Variants in ARHGAP15 observed in about 807,000 individuals in gnomAD.
ARHGAP15 encodes rho GTPase-activating protein 15.
Under a neutral mutation model 63.7 loss-of-function variants are expected in ARHGAP15, and 51 were observed. The ratio of observed to expected loss-of-function variants is 0.80; its 90% CI spans 0.64 to 1.01. The LOEUF (loss-of-function observed/expected upper bound fraction) is 1.01. ARHGAP15 is among the 50% of genes least tolerant of loss of function. The probability of loss-of-function intolerance (pLI) is 0.00; values close to 1 mark genes in which losing one functional copy is unlikely to be tolerated. For missense variants in ARHGAP15, 560 were observed against 564.6 expected (o/e 0.99, Z 0.08); for synonymous variants, 191 against 193.8 (o/e 0.99, Z 0.12).
chr2:143,568,834 T>TA (rs1170900604), intron 11 of ARHGAP15, among the ~76,000 whole-genome samples: 2 of 152,060 alleles, frequency 1.3e-5, no homozygotes, highest in Non-Finnish European at 2.9e-5. Context: ...TATGCAGCCA[T>TA]AAAAAAGGAT....
intron 6 of ARHGAP15, among the ~76,000 whole-genome samples, chr2:143,351,849 G>A (rs529500927): frequency 1.2e-3 from 180 of 152,140 alleles, no homozygotes; most frequent in Middle Eastern, 3.4e-3. Context: ...TTCTCTCTTT[G>A]ATAAAAGAGA....
chr2:143,317,392 T>C (rs1362738269), intron 6 of ARHGAP15, among the ~76,000 whole-genome samples: 1 of 152,222 alleles, frequency 6.6e-6, no homozygotes, highest in Non-Finnish European at 1.5e-5. Flanking sequence ...ATATATGCTT[T>C]TGAGAAATAA....
At chr2:143,383,811 G>C (rs930160992) in intron 6 of ARHGAP15, among the ~76,000 whole-genome samples, 1 of 152,100 alleles carries the variant, frequency 6.6e-6, no homozygotes, top group Non-Finnish European at 1.5e-5. Flanking sequence ...GACCATAAAA[G>C]GTGTTACGCA....
intron 8 of ARHGAP15, chr2:143,437,393 T>G (rs1430847742): frequency 1.8e-5 from 4 of 219,592 alleles, no homozygotes; most frequent in African/African-American, 9.5e-5. Flanking sequence ...TTGCATACAT[T>G]AAAGGGTATG....
At chr2:143,662,038 C>T (rs1460944657) in intron 12 of ARHGAP15, among the ~76,000 whole-genome samples, 1 of 152,216 alleles carries the variant, frequency 6.6e-6, no homozygotes, top group Non-Finnish European at 1.5e-5. Flanking sequence ...AACATAGCAG[C>T]CGGGAAGCTC....
chr2:143,756,932 G>T (rs1324526051), intron 13 of ARHGAP15, among the ~76,000 whole-genome samples: 3 of 152,116 alleles, frequency 2.0e-5, no homozygotes, highest in Admixed American at 1.3e-4. Flanking sequence ...CCATTAAGAA[G>T]TCTCTTGATG....
chr2:143,506,719 G>A (rs959253994), intron 9 of ARHGAP15, among the ~76,000 whole-genome samples: 10 of 152,168 alleles, frequency 6.6e-5, no homozygotes, highest in African/African-American at 2.2e-4. Flanking sequence ...TGAAATACAT[G>A]AAAGCAAACA....
At chr2:143,556,939 T>C (rs966373307) in intron 11 of ARHGAP15, among the ~76,000 whole-genome samples, 6 of 151,932 alleles carry the variant, frequency 3.9e-5, no homozygotes, top group Admixed American at 2.6e-4. Flanking sequence ...GAGTTGTAAA[T>C]TAAAACAATG....
At chr2:143,176,270 A>G (rs1691005831) in intron 2 of ARHGAP15, among the ~76,000 whole-genome samples, 2 of 152,208 alleles carry the variant, frequency 1.3e-5, no homozygotes, top group African/African-American at 4.8e-5. Context: ...TTATTCACCT[A>G]TATCAATGAA....
chr2:143,732,078 G>A (rs1310391696), intron 13 of ARHGAP15, among the ~76,000 whole-genome samples: 1 of 152,200 alleles, frequency 6.6e-6, no homozygotes, highest in Non-Finnish European at 1.5e-5. Context: ...ATGAATGAAT[G>A]AATGATTTGG....
intron 13 of ARHGAP15, among the ~76,000 whole-genome samples, chr2:143,738,781 C>A (rs533303136): frequency 6.6e-6 from 1 of 152,258 alleles, no homozygotes; most frequent in East Asian, 1.9e-4. Flanking sequence ...CATTCACCAG[C>A]AATTACACAG....
At chr2:143,370,066 G>C (rs1686475753) in intron 6 of ARHGAP15, among the ~76,000 whole-genome samples, 1 of 152,112 alleles carries the variant, frequency 6.6e-6, no homozygotes, top group South Asian at 2.1e-4. Flanking sequence ...TCTTAAAACA[G>C]TTCTTCTTTG....
intron 12 of ARHGAP15, among the ~76,000 whole-genome samples, chr2:143,673,780 A>ATATATATATATATATG (rs1682685351): frequency 8.3e-6 from 1 of 120,654 alleles, no homozygotes; most frequent in Non-Finnish European, 1.8e-5. Flanking sequence ...ATATATATAT[A>ATATATATATATATATG]TATAAACAAC....
rs1681438895 is a variant in ARHGAP15 at position 143,656,459 on chromosome 2, C to T, written c.1138+32192C>T. ...AAGAGGTACCCTTCCTTATATCCCA[C>T]TCCACTGGAACCAATTTGATTGTGT... On this transcript the variant is annotated intron_variant, in intron 12 of 13. Coordinates refer to ENST00000295095, the MANE Select transcript of ARHGAP15 (RefSeq NM_018460.4). Among the ~76,000 whole-genome samples, 4 of 152,356 alleles carry T rather than the reference C, an allele frequency of 2.6e-5. No homozygotes were observed. In the South Asian group the frequency reaches 8.3e-4, roughly 32 times the overall value.
intron 6 of ARHGAP15, among the ~76,000 whole-genome samples, chr2:143,364,397 G>C (rs931479801): frequency 1.3e-5 from 2 of 152,138 alleles, no homozygotes; most frequent in African/African-American, 2.4e-5. Flanking sequence ...TTAGGAGTGG[G>C]AGTGAGAAGT....
chr2:143,455,741 G>A (rs12616804), intron 8 of ARHGAP15, among the ~76,000 whole-genome samples: 6,822 of 152,000 alleles, frequency 0.045, 498 homozygotes, highest in Admixed American at 0.19. Context: ...AAGAAATTTC[G>A]CATTTACATT....
intron 11 of ARHGAP15, among the ~76,000 whole-genome samples, chr2:143,585,640 A>G (rs757089755): frequency 2.0e-5 from 3 of 152,200 alleles, no homozygotes; most frequent in Non-Finnish European, 4.4e-5. Flanking sequence ...TATTTGACCC[A>G]AGAAATATTA....
At chr2:143,206,999 T>C (rs1692355199) in intron 3 of ARHGAP15, among the ~76,000 whole-genome samples, 1 of 151,414 alleles carries the variant, frequency 6.6e-6, no homozygotes, top group Non-Finnish European at 1.5e-5. Context: ...TGCCCCAAAG[T>C]TTTTTACATA....
chr2:143,246,967 AG>A (rs1272741743), intron 5 of ARHGAP15, among the ~76,000 whole-genome samples: 1 of 152,218 alleles, frequency 6.6e-6, no homozygotes, highest in Non-Finnish European at 1.5e-5. Flanking sequence ...AACCCGTGCC[AG>A]GTACTGTGGA....
Sources: allele counts gnomAD v4.1 joint callset (sites outside exome capture counted in the v4.1 genomes callset), GRCh38; gene constraint gnomAD v4.1.1; transcripts MANE v1.5; gene names NCBI Gene and HGNC (gene_info 2026-07-23, HGNC 2026-07-21).